The following ROBO2 variants were observed in gnomAD, a reference collection of about 807,000 sequenced individuals.
ROBO2 encodes roundabout homolog 2.
A neutral mutation model predicts 160.8 loss-of-function variants in ROBO2; 53 were observed. That is an observed-to-expected ratio of 0.33 (90% CI 0.26 to 0.41). ROBO2 has a LOEUF of 0.41. ROBO2 is among the 10% of genes least tolerant of loss of function. The probability of loss-of-function intolerance (pLI) is 1.00; values close to 1 mark genes in which losing one functional copy is unlikely to be tolerated. For synonymous variants in ROBO2, 664 were observed against 611.7 expected, an observed-to-expected ratio of 1.09 and a Z score of -1.26; for missense variants, 1,577 against 1,722.4, an observed-to-expected ratio of 0.92 and a Z score of 1.49.
chr3:77,574,489 T>C lies in ROBO2; in HGVS notation c.1972-10T>C, dbSNP rs1324041126. 4 of 1,610,406 alleles carry C rather than the reference T, an allele frequency of 2.5e-6. No homozygotes were observed. The highest frequency in any genetic ancestry group is 1.3e-5 in the African/African-American group (1 of 74,948). On this transcript the variant is annotated splice_polypyrimidine_tract_variant and intron_variant, in intron 13 of 25. Coordinates refer to ENST00000461745, the Ensembl canonical transcript of ROBO2. ...CTTTAGTTTCAAATGCCCTTAACTATGTTTTTCAGGTTGATCGCCAACCCC... is the reference window on the plus strand; with the variant it reads ...CTTTAGTTTCAAATGCCCTTAACTACGTTTTTCAGGTTGATCGCCAACCCC...
At chr3:76,512,670 C>T (rs545385526) in intron 2 of ROBO2, among the ~76,000 whole-genome samples, 2 of 152,242 alleles carry the variant, frequency 1.3e-5, no homozygotes, top group East Asian at 3.9e-4. Flanking sequence ...GTTCAATGTA[C>T]ACACACTTTC....
chr3:76,279,082 A>G (rs992323), intron 2 of ROBO2, among the ~76,000 whole-genome samples: 104,477 of 151,114 alleles, frequency 0.69, 40,456 homozygotes, highest in Non-Finnish European at 0.89. Flanking sequence ...ACATATTTTA[A>G]TTATGCATAT....
At chr3:76,250,388 C>A (rs6549853) in intron 2 of ROBO2, among the ~76,000 whole-genome samples, 113,882 of 152,006 alleles carry the variant, frequency 0.75, 43,994 homozygotes, top group Non-Finnish European at 0.86. Context: ...AGATCTGTAT[C>A]AACGACATTC....
intron 2 of ROBO2, among the ~76,000 whole-genome samples, chr3:77,250,901 T>A (rs2090267310): frequency 6.6e-6 from 1 of 152,212 alleles, no homozygotes; most frequent in Non-Finnish European, 1.5e-5. Flanking sequence ...TAATCTCTTC[T>A]GAAAGATCCT....
intron 2 of ROBO2, among the ~76,000 whole-genome samples, chr3:77,242,933 G>A (rs1426676515): frequency 1.3e-5 from 2 of 151,340 alleles, no homozygotes; most frequent in African/African-American, 4.9e-5. Context: ...ATCAGAAAAG[G>A]AAAGAGAGAG....
At chr3:76,416,341 G>C (rs762111963) in intron 2 of ROBO2, among the ~76,000 whole-genome samples, 6 of 151,880 alleles carry the variant, frequency 4.0e-5, no homozygotes, top group Non-Finnish European at 5.9e-5. Context: ...TCCATTTTAA[G>C]TGGAAAGCCA....
chr3:76,657,644 GTGTATATATATTCATATATA>G (rs1444649783), intron 2 of ROBO2, among the ~76,000 whole-genome samples: 181 of 140,304 alleles, frequency 1.3e-3, no homozygotes, highest in South Asian at 0.012. Flanking sequence ...TCATATATAT[GTGTATATATATTCATATATA>G]TGTGTATATA....
chr3:76,177,103 G>A (rs898934347), intron 2 of ROBO2, among the ~76,000 whole-genome samples: 1 of 152,096 alleles, frequency 6.6e-6, no homozygotes, highest in Non-Finnish European at 1.5e-5. Flanking sequence ...ATTAATACTA[G>A]TGTGTACTTC....
intron 2 of ROBO2, among the ~76,000 whole-genome samples, chr3:76,022,591 C>T (rs1267436396): frequency 1.3e-5 from 2 of 151,658 alleles, no homozygotes; most frequent in South Asian, 2.1e-4. Flanking sequence ...GGTACATTGT[C>T]AATGAACAGC....
At chr3:76,968,529 T>C (rs905621871) in intron 2 of ROBO2, among the ~76,000 whole-genome samples, 18 of 152,192 alleles carry the variant, frequency 1.2e-4, no homozygotes, top group Admixed American at 9.8e-4. Flanking sequence ...CTTGTAAATA[T>C]ATGAAATTCA....
intron 2 of ROBO2, among the ~76,000 whole-genome samples, chr3:76,779,976 T>C (rs1434045217): frequency 6.6e-6 from 1 of 150,980 alleles, no homozygotes; most frequent in African/African-American, 2.4e-5. Flanking sequence ...AACTCCATAG[T>C]ATTTTCTATA....
chr3:77,291,750 G>C (rs1272718023), intron 2 of ROBO2, among the ~76,000 whole-genome samples: 2 of 151,370 alleles, frequency 1.3e-5, no homozygotes, highest in Non-Finnish European at 2.9e-5. Flanking sequence ...GCTGAGGCTA[G>C]ATCACCCAGA....
At chr3:76,601,367 T>C (rs1180746203) in intron 2 of ROBO2, among the ~76,000 whole-genome samples, 1 of 152,188 alleles carries the variant, frequency 6.6e-6, no homozygotes, top group South Asian at 2.1e-4. Flanking sequence ...CCTTCAGCAC[T>C]ACCCTAGCAG....
intron 1 of ROBO2, among the ~76,000 whole-genome samples, chr3:77,064,127 CTTA>C (rs2066598998): frequency 6.6e-6 from 1 of 152,014 alleles, no homozygotes; most frequent in African/African-American, 2.4e-5. Flanking sequence ...ATTGTTTTCA[CTTA>C]TTATGCTTTT....
chr3:76,579,813 G>T (rs901381660), intron 2 of ROBO2, among the ~76,000 whole-genome samples: 4 of 144,332 alleles, frequency 2.8e-5, no homozygotes, highest in Non-Finnish European at 4.6e-5. Flanking sequence ...AAGAAAGAAA[G>T]AAAACAAAAC....
At chr3:76,059,003 T>C (rs1381278936) in intron 2 of ROBO2, among the ~76,000 whole-genome samples, 2 of 151,098 alleles carry the variant, frequency 1.3e-5, no homozygotes, top group African/African-American at 2.4e-5. Context: ...GGCTGCATAG[T>C]ATTCCATGGT....
In ROBO2 at chr3:77,522,546, A is replaced by G. The variant is rs970045133; in HGVS notation, c.807-229A>G. On this transcript the variant is annotated intron_variant, in intron 5 of 25. Coordinates refer to ENST00000461745, the Ensembl canonical transcript of ROBO2. ...ATAGTTGCGAAGTGGAAAGAATTCT[A>G]TACATATGTGAAGTATAGGTAACTG... 4.6e-5 allele frequency among the ~76,000 whole-genome samples: 7 copies of G among 151,386 alleles called. No individual in the cohort carries two copies. The East Asian group carries it at 9.7e-4, about 21-fold the overall frequency.
At chr3:76,168,433 C>T (rs1193776238) in intron 2 of ROBO2, among the ~76,000 whole-genome samples, 2 of 151,986 alleles carry the variant, frequency 1.3e-5, no homozygotes, top group African/African-American at 2.4e-5. Flanking sequence ...ACTTTTTCTT[C>T]GTTTATTCTC....
At chr3:77,260,721 A>C (rs2058720064) in intron 2 of ROBO2, among the ~76,000 whole-genome samples, 2 of 152,192 alleles carry the variant, frequency 1.3e-5, no homozygotes, top group African/African-American at 4.8e-5. Context: ...AAGTTTGTCC[A>C]ATTATTCGAT....
Sources: allele counts gnomAD v4.1 joint callset (sites outside exome capture counted in the v4.1 genomes callset), GRCh38; gene constraint gnomAD v4.1.1; transcripts MANE v1.5; gene names NCBI Gene and HGNC (gene_info 2026-07-23, HGNC 2026-07-21).